Variants in PRKG1 observed in about 807,000 individuals in gnomAD.
The protein encoded by PRKG1 is cGMP-dependent protein kinase 1.
Under a neutral mutation model 88.1 loss-of-function variants are expected in PRKG1, and 35 were observed. The observed-to-expected ratio is 0.40, with a 90% CI of 0.30 to 0.53. The LOEUF (loss-of-function observed/expected upper bound fraction) is 0.53, where lower values mean the gene tolerates loss of function less well. Among genes scored for constraint, PRKG1 ranks in the 20% least tolerant of loss-of-function variants. PRKG1 has a pLI of 0.59. For synonymous variants in PRKG1, 303 were observed against 292.5 expected, an observed-to-expected ratio of 1.04 and a Z score of -0.37; for missense variants, 540 against 839.8, an observed-to-expected ratio of 0.64 and a Z score of 4.41.
chr10:51,082,061 G>T (rs1290409212), intron 1 of PRKG1, among the ~76,000 whole-genome samples: 1 of 152,130 alleles, frequency 6.6e-6, no homozygotes, highest in Non-Finnish European at 1.5e-5. Flanking sequence ...CACCCCACCT[G>T]ATCATCTTTT....
At chr10:51,352,219 C>A (rs1310373326) in intron 2 of PRKG1, among the ~76,000 whole-genome samples, 1 of 151,828 alleles carries the variant, frequency 6.6e-6, no homozygotes, top group East Asian at 1.9e-4. Flanking sequence ...ATTGTCTTGG[C>A]TATGCAGGCC....
intron 4 of PRKG1, among the ~76,000 whole-genome samples, chr10:51,829,369 A>C (rs1839950596): frequency 6.6e-6 from 1 of 152,190 alleles, no homozygotes; most frequent in Non-Finnish European, 1.5e-5. Context: ...ACACAATGAC[A>C]TGAAGACCTT....
intron 4 of PRKG1, among the ~76,000 whole-genome samples, chr10:51,863,013 C>T (rs75826843): frequency 0.073 from 11,127 of 151,998 alleles, 454 homozygotes; most frequent in Middle Eastern, 0.12. Flanking sequence ...TGGAGGGATC[C>T]GAGAATATAA....
intron 1 of PRKG1, among the ~76,000 whole-genome samples, chr10:51,016,014 G>A (rs1418453571): frequency 6.6e-6 from 1 of 152,232 alleles, no homozygotes; most frequent in African/African-American, 2.4e-5. Context: ...AGCAATGAGG[G>A]AAAGTCAGGA....
At chr10:51,717,521 G>C (rs544670453) in intron 3 of PRKG1, among the ~76,000 whole-genome samples, 1 of 152,248 alleles carries the variant, frequency 6.6e-6, no homozygotes, top group Non-Finnish European at 1.5e-5. Flanking sequence ...AGTAAGAAGG[G>C]AAGCATCTTT....
chr10:51,948,069 C>A (rs1181890858), intron 5 of PRKG1, among the ~76,000 whole-genome samples: 1 of 151,560 alleles, frequency 6.6e-6, no homozygotes, highest in Non-Finnish European at 1.5e-5. Context: ...TTATTTTTTT[C>A]ATTATATATT....
intron 4 of PRKG1, among the ~76,000 whole-genome samples, chr10:51,848,856 T>TG (rs1840473907): frequency 6.6e-6 from 1 of 151,838 alleles, no homozygotes; most frequent in African/African-American, 2.4e-5. Context: ...TTTCTATTTT[T>TG]TTTTTTTTTT....
chr10:51,384,654 GTCCTCT>G (rs1382480064), intron 2 of PRKG1, among the ~76,000 whole-genome samples: 1 of 151,774 alleles, frequency 6.6e-6, no homozygotes, highest in Non-Finnish European at 1.5e-5. Context: ...TCTTCCCCTG[GTCCTCT>G]CCTCTCTATT....
chr10:51,206,582 C>T (rs1009464250), intron 2 of PRKG1, among the ~76,000 whole-genome samples: 36 of 151,910 alleles, frequency 2.4e-4, no homozygotes, highest in Non-Finnish European at 8.8e-5. Context: ...GCCAAACATA[C>T]ACTTCCAAAA....
chr10:51,572,573 A>G (rs938007489), intron 3 of PRKG1, among the ~76,000 whole-genome samples: 2 of 151,946 alleles, frequency 1.3e-5, no homozygotes, highest in African/African-American at 4.8e-5. Context: ...TTCTATTTGC[A>G]AAGTATGGTT....
At chr10:51,475,387 G>A (rs568234599) in intron 3 of PRKG1, among the ~76,000 whole-genome samples, 53 of 152,058 alleles carry the variant, frequency 3.5e-4, no homozygotes, top group African/African-American at 9.9e-4. Flanking sequence ...ACAGCTATCC[G>A]TGTGTAACAA....
intron 7 of PRKG1, among the ~76,000 whole-genome samples, chr10:52,081,946 C>T (rs1389846639): frequency 1.3e-5 from 2 of 152,006 alleles, no homozygotes; most frequent in African/African-American, 2.4e-5. Flanking sequence ...TTAGTCCATT[C>T]TCATGCTGCT....
chr10:51,844,713 T>C (rs996135536), intron 4 of PRKG1, among the ~76,000 whole-genome samples: 1 of 152,118 alleles, frequency 6.6e-6, no homozygotes, highest in Non-Finnish European at 1.5e-5. Context: ...TCTGAAGGAA[T>C]GTCAGGGGCT....
At chr10:51,402,541 G>T (rs1837780117) in intron 2 of PRKG1, among the ~76,000 whole-genome samples, 1 of 152,160 alleles carries the variant, frequency 6.6e-6, no homozygotes, top group Non-Finnish European at 1.5e-5. Context: ...GTTTCTCAAA[G>T]GTTTTCATGT....
chr10:52,292,623 T>A (rs1842277719), intron 17 of PRKG1, among the ~76,000 whole-genome samples: 1 of 152,180 alleles, frequency 6.6e-6, no homozygotes, highest in South Asian at 2.1e-4. Context: ...TTGATCTATA[T>A]CTCTGTTTTG....
chr10:52,109,620 A>AGG (rs1432421601), intron 7 of PRKG1, among the ~76,000 whole-genome samples: 4 of 151,236 alleles, frequency 2.6e-5, no homozygotes, highest in African/African-American at 9.7e-5. Flanking sequence ...TACAAAAATT[A>AGG]GCTGGGAGTG....
intron 2 of PRKG1, among the ~76,000 whole-genome samples, chr10:51,216,333 A>G (rs1838370569): frequency 6.6e-6 from 1 of 152,236 alleles, no homozygotes; most frequent in African/African-American, 2.4e-5. Flanking sequence ...AATACTATGG[A>G]CACATGTTAT....
chr10:52,049,199 C>A (rs1285308218), intron 5 of PRKG1, among the ~76,000 whole-genome samples: 2 of 152,024 alleles, frequency 1.3e-5, no homozygotes, highest in African/African-American at 4.8e-5. Flanking sequence ...TGAATGGGGT[C>A]GGAGTGCACA....
chr10:52,260,360 C>T (rs117761286), intron 10 of PRKG1, among the ~76,000 whole-genome samples: 8,290 of 152,108 alleles, frequency 0.055, 300 homozygotes, highest in Middle Eastern at 0.095. Flanking sequence ...AGTCATTCAT[C>T]CCTATATTTC....
Sources: allele counts gnomAD v4.1 joint callset (sites outside exome capture counted in the v4.1 genomes callset), GRCh38; gene constraint gnomAD v4.1.1; transcripts MANE v1.5; gene names NCBI Gene and HGNC (gene_info 2026-07-23, HGNC 2026-07-21).